Variants in FAM131C observed in about 807,000 individuals in gnomAD.
FAM131C encodes protein FAM131C.
A neutral mutation model predicts 29.8 loss-of-function variants in FAM131C; 14 were observed. That is an observed-to-expected ratio of 0.47 (90% confidence interval 0.31 to 0.73). FAM131C has a LOEUF of 0.73. Ranked by LOEUF, FAM131C falls within the 30% of genes least tolerant of loss-of-function variation. The pLI is 0.05. For synonymous variants in FAM131C, 86 were observed against 157.8 expected (o/e 0.54, Z 3.41); for missense variants, 252 against 383.8 (o/e 0.66, Z 2.87).
intron 3 of FAM131C, 60 bp downstream of exon 3, chr1:16,062,439 A>G: frequency 7.7e-7 from 1 of 1,296,280 alleles, no homozygotes; most frequent in Non-Finnish European, 1.1e-6. Flanking sequence ...GGCACAAAGG[A>G]TGGAGGGGCC....
rs201526096 is a variant in FAM131C at position 16,062,532 on chromosome 1, G to C, written c.141C>G (p.Asp47Glu). The change falls in exon 3 of 7, where the codon GAC becomes GAG. Residue 47 changes from aspartate to glutamate, a missense_variant and splice_region_variant. By Grantham distance (45) the Asp-to-Glu change is conservative (BLOSUM62 2). Transcript: ENST00000375662. ...TVAPDCVIGK[D>E]KQMDFCWDPW... ...GATCCCAACAGAAATCCATCTGTTTGTCCTAAAACAAGAGGAGAGAGAGGA... is the reference window on the plus strand; with the variant it reads ...GATCCCAACAGAAATCCATCTGTTTCTCCTAAAACAAGAGGAGAGAGAGGA... The C allele has an allele frequency of 1.9e-4, 302 of 1,576,426 alleles. No homozygotes were observed. Among genetic ancestry groups the C allele is most frequent in the Non-Finnish European group, 2.5e-4 (288 of 1,161,312 alleles).
At chr1:16,061,546 C>G (rs1429134921) in intron 4 of FAM131C, among the ~76,000 whole-genome samples, 1 of 152,172 alleles carries the variant, frequency 6.6e-6, no homozygotes, top group African/African-American at 2.4e-5. Flanking sequence ...TCCCCAGGGG[C>G]AGCCAGTGAG....
chr1:16,065,073 G>A (rs79926666), intron 1 of FAM131C, among the ~76,000 whole-genome samples: 5,665 of 152,128 alleles, frequency 0.037, 127 homozygotes, highest in African/African-American at 0.052. Context: ...TCCGCTGCCC[G>A]CTGCCCATGT....
chr1:16,068,278 C>T (rs2023707811), intron 1 of FAM131C, among the ~76,000 whole-genome samples: 1 of 152,244 alleles, frequency 6.6e-6, no homozygotes, highest in African/African-American at 2.4e-5. Context: ...AGGGGGTGGG[C>T]ATGGGACTTA....
chr1:16,068,055 C>T (rs1211309556), intron 1 of FAM131C, among the ~76,000 whole-genome samples: 1 of 152,256 alleles, frequency 6.6e-6, no homozygotes, highest in African/African-American at 2.4e-5. Context: ...TCCCCTCATG[C>T]TCCTCCCCGG....
At chr1:16,069,788 C>T (rs2023729558) in intron 1 of FAM131C, among the ~76,000 whole-genome samples, 1 of 152,204 alleles carries the variant, frequency 6.6e-6, no homozygotes, top group African/African-American at 2.4e-5. Flanking sequence ...GTTTTTGAGA[C>T]AGGGTCTTTG....
At chr1:16,063,721 G>A in intron 1 of FAM131C, 85 bp from the exon 2 acceptor site, 1 of 840,136 alleles carries the variant, frequency 1.2e-6, no homozygotes. Flanking sequence ...CCCGTAAGGT[G>A]AGTATGGCCT....
At chr1:16,062,793 A>G (rs10157014) in intron 2 of FAM131C, among the ~76,000 whole-genome samples, 30,381 of 151,046 alleles carry the variant, frequency 0.2, 1,318 homozygotes, top group African/African-American at 0.26. Flanking sequence ...TGACTTTGCC[A>G]TTTCCCAGCT....
chr1:16,061,518 C>T (rs111653964), intron 4 of FAM131C, among the ~76,000 whole-genome samples: 3,584 of 152,188 alleles, frequency 0.024, 68 homozygotes, highest in Middle Eastern at 0.041. Context: ...CTAGAGAGGC[C>T]GGGAGGCTAC....
intron 1 of FAM131C, among the ~76,000 whole-genome samples, chr1:16,069,650 G>T (rs1051971575): frequency 6.6e-6 from 1 of 152,174 alleles, no homozygotes; most frequent in Non-Finnish European, 1.5e-5. Flanking sequence ...GAGAGAAGGG[G>T]GGCAAATATT....
chr1:16,058,084 T>G lies in FAM131C; in HGVS notation c.*353A>C. The stretch of plus-strand genomic sequence containing the variant: ...AGACCCCACTGTAAGTGGGTCTCAG[T>G]TCTCTCCATGGCTGTCCTCCTGGGG... On this transcript the variant is annotated 3_prime_UTR_variant, in exon 7 of 7. Coordinates refer to ENST00000375662, the MANE Select transcript of FAM131C (RefSeq NM_182623.3). The G allele has an allele frequency of 5.6e-6, 1 of 177,252 alleles. No individual in the cohort carries two copies. Among genetic ancestry groups the G allele is most frequent in the Non-Finnish European group, 1.2e-5 (1 of 83,648 alleles). 11.0% of individuals were successfully genotyped at this position (177,252 alleles called of 1,614,324 possible).
At position 16,062,109 on chromosome 1, in the gene FAM131C, C is replaced by G. The variant is rs758796485; in HGVS notation, c.258G>C (p.Ser86=). The G allele has an allele frequency of 6.2e-7, 1 of 1,611,634 alleles. No homozygotes were observed. The highest frequency in any genetic ancestry group is 1.1e-5 in the South Asian group (1 of 90,934). The part of the protein sequence containing the change: ...GNYNVAALAT[S]SLVGVVQSIK... ...GCGGCCAGAACCTACCCACAAGGGA[C>G]GAGGTGGCCAGGGCTGCCACGTTGT... The change falls in exon 4 of 7, where the codon TCG becomes TCC. Residue 86 remains serine (S), a synonymous_variant. Coordinates refer to ENST00000375662, the MANE Select transcript of FAM131C (RefSeq NM_182623.3).
At chr1:16,067,100 C>T (rs952774374) in intron 1 of FAM131C, among the ~76,000 whole-genome samples, 34 of 152,312 alleles carry the variant, frequency 2.2e-4, no homozygotes, top group African/African-American at 5.8e-4. Flanking sequence ...TTTGTTGAGA[C>T]GGTGGTGGGC....
intron 1 of FAM131C, among the ~76,000 whole-genome samples, chr1:16,066,339 C>T (rs1181846397): frequency 6.6e-6 from 1 of 152,212 alleles, no homozygotes; most frequent in Non-Finnish European, 1.5e-5. Context: ...ACCACCCCAC[C>T]CATGACCCAG....
chr1:16,062,653 T>C (rs553959518), intron 2 of FAM131C, 119 bp from the exon 3 acceptor site: 4 of 1,430,258 alleles, frequency 2.8e-6, no homozygotes, highest in South Asian at 2.8e-5. Flanking sequence ...CTGTGTGAGG[T>C]TGGGGTCTGC....
At chr1:16,070,749 G>T (rs992072099) in intron 1 of FAM131C, among the ~76,000 whole-genome samples, 2 of 152,170 alleles carry the variant, frequency 1.3e-5, no homozygotes, top group East Asian at 3.8e-4. Context: ...CATTTAGTCC[G>T]CCCAGCAACC....
intron 1 of FAM131C, among the ~76,000 whole-genome samples, chr1:16,072,121 C>T (rs553423425): frequency 1.1e-3 from 164 of 152,334 alleles, no homozygotes; most frequent in African/African-American, 3.8e-3. Flanking sequence ...GGGTTCCTTG[C>T]TGCTGGATGC....
chr1:16,073,392 T>C (rs2124139273), intron 1 of FAM131C, 29 bp downstream of exon 1: 2 of 1,185,006 alleles, frequency 1.7e-6, no homozygotes, highest in Admixed American at 8.7e-5. Context: ...CGGCACCCGA[T>C]CCCCCCGCCC....
chr1:16,059,323 C>T (rs2023552416), intron 6 of FAM131C, among the ~76,000 whole-genome samples, 171 bp downstream of exon 6: 1 of 152,118 alleles, frequency 6.6e-6, no homozygotes, highest in Non-Finnish European at 1.5e-5. Flanking sequence ...GCTCCTGGCA[C>T]TGCCGGGCAA....
Sources: allele counts gnomAD v4.1 joint callset (sites outside exome capture counted in the v4.1 genomes callset), GRCh38; gene constraint gnomAD v4.1.1; transcripts MANE v1.5; gene names NCBI Gene and HGNC (gene_info 2026-07-23, HGNC 2026-07-21).